CLOCK: variants seen among roughly 807,000 people sequenced by gnomAD.
CLOCK encodes clock circadian regulator, also known as circadian locomoter output cycles protein kaput.
In CLOCK, 43 loss-of-function variants were observed where a neutral mutation model predicts 118.4. The observed-to-expected ratio is 0.36, with a 90% CI of 0.28 to 0.47. CLOCK has a LOEUF of 0.47. Among genes scored for constraint, CLOCK ranks in the 20% least tolerant of loss-of-function variants. The pLI, the probability that CLOCK is intolerant of heterozygous loss-of-function variation, is 1.00. For missense variants in CLOCK, 846 were observed against 999.9 expected (o/e 0.85, Z 2.08); for synonymous variants, 326 against 339.2 (o/e 0.96, Z 0.43).
chr4:55,502,067 T>C (rs1335381640), intron 2 of CLOCK, among the ~76,000 whole-genome samples: 1 of 152,218 alleles, frequency 6.6e-6, no homozygotes, highest in Non-Finnish European at 1.5e-5. Flanking sequence ...AGAGAAATTA[T>C]AAAAGTCTAA....
chr4:55,488,290 A>G (rs1460031495), intron 3 of CLOCK, among the ~76,000 whole-genome samples: 1 of 152,184 alleles, frequency 6.6e-6, no homozygotes. Context: ...GAATCCTTCT[A>G]AATCTGTATA....
chr4:55,440,401 T>C (rs1392674243), intron 21 of CLOCK, among the ~76,000 whole-genome samples: 2 of 152,218 alleles, frequency 1.3e-5, no homozygotes, highest in African/African-American at 4.8e-5. Context: ...AACAATATTA[T>C]TTCCATTTGC....
chr4:55,489,038 C>A (rs1560452838), intron 3 of CLOCK, among the ~76,000 whole-genome samples: 1 of 152,216 alleles, frequency 6.6e-6, no homozygotes. Flanking sequence ...CCCAGCCTTA[C>A]ACTATCCATT....
intron 2 of CLOCK, among the ~76,000 whole-genome samples, chr4:55,502,096 C>G (rs1451999971): frequency 6.6e-6 from 1 of 152,188 alleles, no homozygotes; most frequent in Non-Finnish European, 1.5e-5. Context: ...AGGCATACAA[C>G]CTTGCAATTG....
At chr4:55,437,421 C>T (rs956980189) in intron 22 of CLOCK, among the ~76,000 whole-genome samples, 2 of 152,126 alleles carry the variant, frequency 1.3e-5, no homozygotes, top group African/African-American at 4.8e-5. Context: ...TCCTGAGGTC[C>T]AGATAAGGGT....
intron 2 of CLOCK, among the ~76,000 whole-genome samples, chr4:55,492,993 TG>T (rs1365115428): frequency 6.6e-6 from 1 of 152,254 alleles, no homozygotes; most frequent in African/African-American, 2.4e-5. Flanking sequence ...TTATGGATGG[TG>T]TTTTTTGTTC....
At position 55,489,988 on chromosome 4, in the gene CLOCK, C is replaced by T. The variant is rs575845853; in HGVS notation, c.-135-523G>A. Among the ~76,000 whole-genome samples the T allele has an allele frequency of 7.9e-5, 12 of 151,786 alleles. 1 individual carries two copies. In the South Asian group the frequency reaches 2.5e-3, roughly 32 times the overall value. On this transcript the variant is annotated intron_variant, in intron 2 of 22. Coordinates refer to ENST00000513440, the MANE Select transcript of CLOCK (RefSeq NM_004898.4). ...AAACAGGAGGAAAGGAAAAGAGGGACAACAGCACTACAAGAAAGACAGCAA... is the reference window on the plus strand; with the variant it reads ...AAACAGGAGGAAAGGAAAAGAGGGATAACAGCACTACAAGAAAGACAGCAA...
chr4:55,534,793 G>A (rs764691684), intron 1 of CLOCK, among the ~76,000 whole-genome samples: 1 of 152,118 alleles, frequency 6.6e-6, no homozygotes, highest in Non-Finnish European at 1.5e-5. Flanking sequence ...AAAATGAAAG[G>A]CCTAAATGAA....
At chr4:55,538,575 G>A (rs1490878886) in intron 1 of CLOCK, among the ~76,000 whole-genome samples, 2 of 152,052 alleles carry the variant, frequency 1.3e-5, no homozygotes, top group East Asian at 3.9e-4. Context: ...TGATAATTAA[G>A]TTTAATATAT....
At chr4:55,436,486 G>C (rs2109629598) in intron 22 of CLOCK, among the ~76,000 whole-genome samples, 1 of 152,264 alleles carries the variant, frequency 6.6e-6, no homozygotes, top group East Asian at 1.9e-4. Flanking sequence ...CAGAAAGAAA[G>C]TGAATTTTTA....
rs971546844 is a variant in CLOCK at position 55,428,185 on chromosome 4, G to A, written c.*7230C>T. 2 of 152,076 alleles carry A rather than the reference G, an allele frequency of 1.3e-5. No homozygotes were observed. Among genetic ancestry groups the A allele is most frequent in the South Asian group, 2.1e-4 (1 of 4,832 alleles). The allele number at this position is 152,076 out of a possible 1,614,324, so 9.4% of individuals were successfully genotyped here. A position where few individuals can be genotyped will look rare whatever the true frequency, so the allele number is the denominator to read the frequency against. On this transcript the variant is annotated 3_prime_UTR_variant, in exon 23 of 23. Coordinates refer to ENST00000513440, the MANE Select transcript of CLOCK (RefSeq NM_004898.4). ...GGGAAAGAGCAGAATAATAGTACAC[G>A]CAGTTTTAAAAGCTATGCACATCAT...
chr4:55,491,234 T>TAAAAAAAAAAAAAAAAA (rs34441416), intron 2 of CLOCK, among the ~76,000 whole-genome samples: 1 of 44,342 alleles, frequency 2.3e-5, no homozygotes, highest in African/African-American at 9.2e-5. Context: ...GCAGGTGTGC[T>TAAAAAAAAAAAAAAAAA]AAAAAAAAAA....
At chr4:55,437,423 G>C (rs1434694260) in intron 22 of CLOCK, among the ~76,000 whole-genome samples, 1 of 152,196 alleles carries the variant, frequency 6.6e-6, no homozygotes, top group Non-Finnish European at 1.5e-5. Context: ...CTGAGGTCCA[G>C]ATAAGGGTTT....
intron 2 of CLOCK, among the ~76,000 whole-genome samples, chr4:55,497,101 A>G (rs1376955677): frequency 6.6e-6 from 1 of 152,204 alleles, no homozygotes; most frequent in Non-Finnish European, 1.5e-5. Context: ...TGAGAGCCCA[A>G]TATAGGTCTC....
chr4:55,545,688 A>AG (rs1241922509), intron 1 of CLOCK: 3 of 152,224 alleles, frequency 2.0e-5, no homozygotes, highest in African/African-American at 7.2e-5. Flanking sequence ...CATCAACAAG[A>AG]GGACCTCTAC....
At chr4:55,505,543 G>T (rs1728745870) in intron 2 of CLOCK, among the ~76,000 whole-genome samples, 1 of 151,746 alleles carries the variant, frequency 6.6e-6, no homozygotes, top group Non-Finnish European at 1.5e-5. Flanking sequence ...ACGTGCCTAT[G>T]GTCTCAGCTA....
intron 1 of CLOCK, among the ~76,000 whole-genome samples, chr4:55,517,193 A>G (rs565191026): frequency 1.2e-3 from 180 of 152,312 alleles, no homozygotes; most frequent in African/African-American, 4.2e-3. Context: ...TCCCTAGAAT[A>G]AACTCCATGT....
rs77282535 is a variant in CLOCK, at chr4:55,448,206, C to T, written c.1539+573G>A. On this transcript the variant is annotated intron_variant, in intron 18 of 22. Coordinates refer to ENST00000513440, the MANE Select transcript of CLOCK (RefSeq NM_004898.4). ...CTCTAGATGTAATGGTTTTTTAGTT[C>T]ATATATTTGTACTGTCGGCATCTGC... Among the ~76,000 whole-genome samples the T allele has an allele frequency of 8.3e-4, 126 of 152,210 alleles. 1 individual carries two copies. The East Asian group carries it at 0.018, about 21-fold the overall frequency.
At chr4:55,436,539 C>G (rs141153273) in intron 22 of CLOCK, among the ~76,000 whole-genome samples, 1 of 152,292 alleles carries the variant, frequency 6.6e-6, no homozygotes, top group Admixed American at 6.5e-5. Flanking sequence ...CAACTTGATG[C>G]AGGGTTCTTA....
Sources: allele counts gnomAD v4.1 joint callset (sites outside exome capture counted in the v4.1 genomes callset), GRCh38; gene constraint gnomAD v4.1.1; transcripts MANE v1.5; gene names NCBI Gene and HGNC (gene_info 2026-07-23, HGNC 2026-07-21).